AGGF1: variants seen among roughly 807,000 people sequenced by gnomAD.
The protein encoded by AGGF1 is angiogenic factor with G patch and FHA domains 1.
In AGGF1, 56 loss-of-function variants were observed where a neutral mutation model predicts 86.5. That is an observed-to-expected ratio of 0.65 (90% CI 0.52 to 0.81). AGGF1 has a LOEUF of 0.81. Among genes scored for constraint, AGGF1 ranks in the 30% least tolerant of loss-of-function variants. The probability of loss-of-function intolerance (pLI) is 0.00; values close to 1 mark genes in which losing one functional copy is unlikely to be tolerated. For missense variants in AGGF1, 816 were observed against 850.9 expected (o/e 0.96, Z 0.51); for synonymous variants, 313 against 297.1 (o/e 1.05, Z -0.55).
Position 77,048,317 on chromosome 5 carries a change from A to C in AGGF1, c.1313+45A>C, listed in dbSNP as rs141748464. The stretch of plus-strand genomic sequence containing the variant: ...TATATCATTCTTTCAGTTATTTCAG[A>C]AAGGCTTTATTAAGAGCATGTATTT... On this transcript the variant is annotated intron_variant, in intron 7 of 13. Transcript: ENST00000312916. 9.5e-4 allele frequency: 1,353 copies of C among 1,429,246 alleles called. 13 individuals carry two copies. In the African/African-American group the frequency reaches 0.017, roughly 18 times the overall value. 88.5% of individuals were successfully genotyped at this position (1,429,246 alleles called of 1,614,324 possible).
intron 3 of AGGF1, chr5:77,036,049 C>T: frequency 3.2e-6 from 1 of 308,772 alleles, no homozygotes; most frequent in Non-Finnish European, 6.1e-6. Flanking sequence ...CACATTTACA[C>T]CTAAAAAAAT....
chr5:77,032,252 T>TAGA (rs1554045782), intron 1 of AGGF1, among the ~76,000 whole-genome samples: 1 of 107,880 alleles, frequency 9.3e-6, no homozygotes, highest in African/African-American at 3.7e-5. Flanking sequence ...ACAAATATGG[T>TAGA]AAAAAAAAAA....
Position 77,063,425 on chromosome 5 carries a change from A to G in AGGF1, c.*173A>G. 1 of 700,288 alleles carries G rather than the reference A, an allele frequency of 1.4e-6. No individual in the cohort carries two copies. 43.4% of individuals were successfully genotyped at this position (700,288 alleles called of 1,614,324 possible). Reference sequence around the variant, plus strand: ...TAAAAACCATTTTTTTAAAACTAATAAATAGTGACTGAACCAATTTATGCA... The same window carrying G: ...TAAAAACCATTTTTTTAAAACTAATGAATAGTGACTGAACCAATTTATGCA... On this transcript the variant is annotated 3_prime_UTR_variant, in exon 14 of 14. Transcript: ENST00000312916.
At chr5:77,059,468 C>T in intron 11 of AGGF1, 148 bp from the exon 12 acceptor site, 1 of 740,382 alleles carries the variant, frequency 1.4e-6, no homozygotes. Context: ...AGGCATGAGC[C>T]ACCTGTAATT....
intron 11 of AGGF1, among the ~76,000 whole-genome samples, chr5:77,058,865 A>G (rs1444449265): frequency 1.3e-5 from 2 of 152,220 alleles, no homozygotes; most frequent in African/African-American, 4.8e-5. Context: ...GCAACAGGCC[A>G]AAGAAAGATT....
intron 5 of AGGF1, among the ~76,000 whole-genome samples, chr5:77,044,086 A>G (rs565885064): frequency 1.1e-3 from 150 of 134,538 alleles, no homozygotes; most frequent in African/African-American, 4.0e-3. Context: ...GACGCTCCTC[A>G]CTTTCCAGAC....
intron 11 of AGGF1, among the ~76,000 whole-genome samples, chr5:77,058,434 C>T (rs1747494807): frequency 2.6e-5 from 4 of 152,040 alleles, no homozygotes; most frequent in Admixed American, 2.6e-4. Context: ...CATATTTTTT[C>T]TGTCAAATTG....
intron 11 of AGGF1, among the ~76,000 whole-genome samples, chr5:77,056,732 G>A (rs1034484916): frequency 6.6e-6 from 1 of 151,746 alleles, no homozygotes; most frequent in Non-Finnish European, 1.5e-5. Context: ...AACACCAAAA[G>A]CACAATCCTT....
At position 77,030,745 on chromosome 5, in the gene AGGF1, G is replaced by C. The variant is rs747171140; in HGVS notation, c.-22G>C. ...CTGAACGCAGCCCCTCCGCGGCGAC[G>C]AGCAGTCTCGCGCCGGAGCTCATGG... On this transcript the variant is annotated 5_prime_UTR_variant, in exon 1 of 14. Coordinates refer to ENST00000312916, the MANE Select transcript of AGGF1 (RefSeq NM_018046.5). 6.4e-7 allele frequency: 1 copy of C among 1,554,708 alleles called. No homozygotes were observed. Among genetic ancestry groups the C allele is most frequent in the Non-Finnish European group, 8.6e-7 (1 of 1,157,168 alleles).
chr5:77,032,252 TAAAAAAA>T lies in AGGF1; in HGVS notation c.210+1292_210+1298del, dbSNP rs35068401. 4.9e-3 allele frequency among the ~76,000 whole-genome samples: 531 copies of T among 107,870 alleles called. 5 individuals carry two copies. The highest frequency in any genetic ancestry group is 0.017 in the African/African-American group (464 of 27,102). 70.8% of individuals were successfully genotyped at this position (107,870 alleles called of 152,430 possible). The stretch of plus-strand genomic sequence containing the variant: ...CTATGCTAGGAAAATACAAATATGG[TAAAAAAA>T]AAAAAAAAAAAAAAACAGGGAGAGG... On this transcript the variant is annotated intron_variant, in intron 1 of 13. Transcript: ENST00000312916.
intron 2 of AGGF1, among the ~76,000 whole-genome samples, chr5:77,035,177 G>C (rs550385038): frequency 1.3e-5 from 2 of 152,262 alleles, no homozygotes; most frequent in South Asian, 4.1e-4. Flanking sequence ...TTCATTATCA[G>C]TTGATAAGCA....
intron 7 of AGGF1, 25 bp downstream of exon 7, chr5:77,048,297 C>A: frequency 6.7e-7 from 1 of 1,487,752 alleles, no homozygotes; most frequent in Non-Finnish European, 9.4e-7. Flanking sequence ...ATTATTATAT[C>A]ATTCTTTCAG....
At chr5:77,032,429 C>T (rs1746883752) in intron 1 of AGGF1, among the ~76,000 whole-genome samples, 1 of 151,400 alleles carries the variant, frequency 6.6e-6, no homozygotes, top group African/African-American at 2.4e-5. Flanking sequence ...ATTAGCCGAG[C>T]GTGGTGGCGG....
chr5:77,061,865 T>C (rs2150736121), intron 13 of AGGF1, 63 bp downstream of exon 13: 1 of 1,493,170 alleles, frequency 6.7e-7, no homozygotes, highest in Non-Finnish European at 9.3e-7. Context: ...TGTACATTAA[T>C]GTGCCAAACG....
rs1466552726 is a variant in AGGF1 at position 77,035,451 on chromosome 5, T to C, written c.314-90T>C. On this transcript the variant is annotated intron_variant, in intron 2 of 13. Transcript: ENST00000312916. Reference sequence around the variant, plus strand: ...ATGATTTATTTGAAGTATGTGCTTTTTGTGTTTAAATGCCAGTGTTTTGTA... The same window carrying C: ...ATGATTTATTTGAAGTATGTGCTTTCTGTGTTTAAATGCCAGTGTTTTGTA... The C allele has an allele frequency of 5.3e-6, 5 of 950,310 alleles. No individual in the cohort carries two copies. The African/African-American group carries it at 8.3e-5, about 16-fold the overall frequency. The allele number at this position is 950,310 out of a possible 1,614,324, so 58.9% of individuals were successfully genotyped here. A position where few individuals can be genotyped will look rare whatever the true frequency, so the allele number is the denominator to read the frequency against.
chr5:77,059,682 A>G lies in AGGF1; in HGVS notation c.1783A>G (p.Arg595Gly), dbSNP rs1451384231. Residue 595 changes from arginine (R) to glycine (G), a missense_variant, in exon 12 of 14, where the codon AGG becomes GGG. Coordinates refer to ENST00000312916, the MANE Select transcript of AGGF1 (RefSeq NM_018046.5). ...PKYKDRAGKR[R>G]EQVGSEGTFQ... ...ATATAAAGATAGAGCTGGAAAACGTAGGGAGCAGGTTGGAAGTGAAGGAAC... is the reference window on the plus strand; with the variant it reads ...ATATAAAGATAGAGCTGGAAAACGTGGGGAGCAGGTTGGAAGTGAAGGAAC... The G allele has an allele frequency of 6.2e-7, 1 of 1,613,704 alleles. No homozygotes were observed. The highest frequency in any genetic ancestry group is 1.3e-5 in the African/African-American group (1 of 74,940).
In AGGF1 at chr5:77,030,745, G is replaced by T; in HGVS notation, c.-22G>T. On this transcript the variant is annotated 5_prime_UTR_variant, in exon 1 of 14. Transcript: ENST00000312916. Reference sequence around the variant, plus strand: ...CTGAACGCAGCCCCTCCGCGGCGACGAGCAGTCTCGCGCCGGAGCTCATGG... The same window carrying T: ...CTGAACGCAGCCCCTCCGCGGCGACTAGCAGTCTCGCGCCGGAGCTCATGG... The T allele has an allele frequency of 6.4e-7, 1 of 1,554,702 alleles. No homozygotes were observed. The highest frequency in any genetic ancestry group is 1.2e-5 in the South Asian group (1 of 86,426).
chr5:77,042,748 G>C (rs1747134778), intron 5 of AGGF1, among the ~76,000 whole-genome samples: 1 of 45,864 alleles, frequency 2.2e-5, no homozygotes, highest in Non-Finnish European at 5.6e-5. Context: ...GGGGCGGCTG[G>C]CCGGGCAGGG....
At chr5:77,036,763 A>AGGG in intron 4 of AGGF1, 43 bp downstream of exon 4, 1 of 1,603,642 alleles carries the variant, frequency 6.2e-7, no homozygotes, top group East Asian at 2.2e-5. Flanking sequence ...TTTTTGAGAC[A>AGGG]GTCTCCCTCT....
Sources: allele counts gnomAD v4.1 joint callset (sites outside exome capture counted in the v4.1 genomes callset), GRCh38; gene constraint gnomAD v4.1.1; transcripts MANE v1.5; gene names NCBI Gene and HGNC (gene_info 2026-07-23, HGNC 2026-07-21).